FAM110B: variants seen among roughly 807,000 people sequenced by gnomAD.
The protein encoded by FAM110B is protein FAM110B.
In FAM110B, 6 loss-of-function variants were observed where a neutral mutation model predicts 20.4. That is an observed-to-expected ratio of 0.29 (90% CI 0.16 to 0.58). FAM110B has a LOEUF of 0.58. FAM110B is among the 20% of genes least tolerant of loss of function. The probability of loss-of-function intolerance (pLI) is 0.90; values close to 1 mark genes in which losing one functional copy is unlikely to be tolerated. For synonymous variants in FAM110B, 226 were observed against 214.1 expected, an observed-to-expected ratio of 1.06 and a Z score of -0.49; for missense variants, 434 against 498.2, an observed-to-expected ratio of 0.87 and a Z score of 1.23.
intron 3 of FAM110B, chr8:58,076,987 C>A (rs1467628693): frequency 6.6e-6 from 1 of 152,160 alleles, no homozygotes; most frequent in East Asian, 1.9e-4. Flanking sequence ...CTTAGGCTGA[C>A]AAATAAGAAT....
chr8:58,146,396 G>A lies in FAM110B; in HGVS notation c.166G>A (p.Ala56Thr). 5 of 1,614,010 alleles carry A rather than the reference G, an allele frequency of 3.1e-6. No homozygotes were observed. Among genetic ancestry groups the A allele is most frequent in the Non-Finnish European group, 4.2e-6 (5 of 1,179,980 alleles). Reference sequence around the variant, plus strand: ...GCTCAGCGCCGTGGAGAGGCTGGAGGCCGACAAGGCCAAGTACGTCAAGAG... The same window carrying A: ...GCTCAGCGCCGTGGAGAGGCTGGAGACCGACAAGGCCAAGTACGTCAAGAG... ...KRLSAVERLEADKAKYVKSQE... is the reference protein window; with the variant it reads ...KRLSAVERLETDKAKYVKSQE... The change falls in exon 4 of 4, where the codon GCC (alanine) becomes ACC (threonine). Residue 56 changes from alanine to threonine, a missense_variant. Transcript: ENST00000519262.
In FAM110B at chr8:58,146,501, C is replaced by A. The variant is rs1480782102; in HGVS notation, c.271C>A (p.Arg91Ser). 7 of 1,613,838 alleles carry A rather than the reference C, an allele frequency of 4.3e-6. No homozygotes were observed. Among genetic ancestry groups the A allele is most frequent in the Non-Finnish European group, 1.7e-6 (2 of 1,179,888 alleles). The change falls in exon 4 of 4, where the codon CGC (arginine) becomes AGC (serine). Residue 91 changes from arginine (R) to serine (S), a missense_variant. By Grantham distance (110) the Arg-to-Ser change is moderately radical (BLOSUM62 -1). This residue lies in a region of FAM110B where 284 missense variants were observed against 278.3 expected (regional missense o/e 1.02). Transcript: ENST00000519262. ...GCCCCCGGTGTGCCCGGCTGCCAAGCGCGCACTGGGCAGCCCCACGCTCAA... is the reference window on the plus strand; with the variant it reads ...GCCCCCGGTGTGCCCGGCTGCCAAGAGCGCACTGGGCAGCCCCACGCTCAA... Reference protein sequence around the residue: ...AKPPVCPAAKRALGSPTLKVF... With the variant: ...AKPPVCPAAKSALGSPTLKVF...
chr8:58,051,026 C>T, intron 2 of FAM110B, among the ~76,000 whole-genome samples: 1 of 152,218 alleles, frequency 6.6e-6, no homozygotes, highest in Admixed American at 6.5e-5. Context: ...GAAAGAAAAA[C>T]AGCTCTGTCC....
At chr8:58,091,564 G>C (rs1231253591) in intron 3 of FAM110B, 1 of 152,102 alleles carries the variant, frequency 6.6e-6, no homozygotes, top group Non-Finnish European at 1.5e-5. Flanking sequence ...AATGAGATCT[G>C]TGGATGACCT....
At chr8:58,089,890 C>T (rs557815224) in intron 3 of FAM110B, among the ~76,000 whole-genome samples, 55 of 152,336 alleles carry the variant, frequency 3.6e-4, no homozygotes, top group Non-Finnish European at 6.3e-4. Flanking sequence ...TATACACATG[C>T]AGTATGATTT....
At chr8:58,133,475 C>T (rs1803534165) in intron 3 of FAM110B, among the ~76,000 whole-genome samples, 1 of 152,162 alleles carries the variant, frequency 6.6e-6, no homozygotes, top group South Asian at 2.1e-4. Flanking sequence ...GTCAGTACCA[C>T]CACTCACCAT....
intron 1 of FAM110B, among the ~76,000 whole-genome samples, chr8:58,008,037 G>C (rs144460463): frequency 6.6e-6 from 1 of 151,176 alleles, no homozygotes; most frequent in African/African-American, 2.4e-5. Context: ...AAGCAAGGCA[G>C]TTTTTATCTG....
At chr8:58,145,515 G>A (rs1803840728) in intron 3 of FAM110B, among the ~76,000 whole-genome samples, 1 of 152,194 alleles carries the variant, frequency 6.6e-6, no homozygotes, top group Admixed American at 6.5e-5. Flanking sequence ...TAGGAACTCA[G>A]TGGCATGTAA....
In FAM110B at chr8:58,071,542, T is replaced by C. The variant is rs558003775; in HGVS notation, c.-413-3993T>C. The stretch of plus-strand genomic sequence containing the variant: ...AAATACCTGCTCTGATCTAGAACTA[T>C]GTTCTGGTTAAAGGGGTTCTGTACT... On this transcript the variant is annotated intron_variant, in intron 2 of 3. Coordinates refer to ENST00000519262, the MANE Select transcript of FAM110B (RefSeq NM_001377989.1). 7.9e-5 allele frequency among the ~76,000 whole-genome samples: 12 copies of C among 152,320 alleles called. 1 individual carries two copies. The East Asian group carries it at 2.3e-3, about 29-fold the overall frequency.
intron 2 of FAM110B, among the ~76,000 whole-genome samples, chr8:58,035,166 A>G (rs2150574375): frequency 6.6e-6 from 1 of 152,344 alleles, no homozygotes; most frequent in East Asian, 1.9e-4. Flanking sequence ...ACTTAAGAAT[A>G]AAGATAGTAG....
intron 2 of FAM110B, among the ~76,000 whole-genome samples, chr8:58,067,067 T>C (rs6471679): frequency 0.085 from 12,972 of 152,276 alleles, 901 homozygotes; most frequent in African/African-American, 0.19. Flanking sequence ...TAAAGTTACC[T>C]GGAACCCTGG....
At chr8:58,010,991 T>A (rs1038585012) in intron 1 of FAM110B, among the ~76,000 whole-genome samples, 3 of 152,130 alleles carry the variant, frequency 2.0e-5, no homozygotes, top group Non-Finnish European at 2.9e-5. Flanking sequence ...TTCAAACATT[T>A]CTCAAAGAAC....
intron 2 of FAM110B, among the ~76,000 whole-genome samples, chr8:58,049,033 G>A (rs1336051098): frequency 1.3e-5 from 2 of 152,140 alleles, no homozygotes; most frequent in Non-Finnish European, 2.9e-5. Context: ...TTGTGTGTGT[G>A]TTTTTTCTTA....
intron 2 of FAM110B, among the ~76,000 whole-genome samples, chr8:58,072,065 C>A (rs1211455131): frequency 6.6e-6 from 1 of 152,154 alleles, no homozygotes; most frequent in Admixed American, 6.5e-5. Context: ...AACCTTTCTG[C>A]GAATCAACAG....
chr8:58,088,437 A>C (rs1223066688), intron 3 of FAM110B, among the ~76,000 whole-genome samples: 2 of 152,192 alleles, frequency 1.3e-5, no homozygotes, highest in East Asian at 3.8e-4. Context: ...AATTCAACGA[A>C]ATGTGTTTCT....
chr8:58,074,603 G>A (rs73682115), intron 2 of FAM110B, among the ~76,000 whole-genome samples: 4,308 of 152,116 alleles, frequency 0.028, 214 homozygotes, highest in African/African-American at 0.098. Context: ...GAGGTTTTTC[G>A]TCTTAACCCC....
chr8:58,058,707 G>T (rs1805597173), intron 2 of FAM110B, among the ~76,000 whole-genome samples: 2 of 151,972 alleles, frequency 1.3e-5, no homozygotes, highest in African/African-American at 2.4e-5. Flanking sequence ...GACATTGAAA[G>T]GTTCAGTGGA....
At chr8:58,006,030 A>G (rs1284577285) in intron 1 of FAM110B, among the ~76,000 whole-genome samples, 1 of 152,116 alleles carries the variant, frequency 6.6e-6, no homozygotes, top group Admixed American at 6.6e-5. Context: ...CCATTAGCAC[A>G]TGAAATCAAT....
chr8:58,116,895 GT>G (rs1471604036), intron 3 of FAM110B, among the ~76,000 whole-genome samples: 1 of 152,172 alleles, frequency 6.6e-6, no homozygotes, highest in African/African-American at 2.4e-5. Context: ...ATCAGGAATG[GT>G]TTGCTAACTC....
Sources: gnomAD v4.1 joint callset for allele counts (sites outside exome capture counted in the v4.1 genomes callset) on GRCh38, gnomAD v4.1.1 for gene constraint, gnomAD v4.1.1 regional missense constraint, MANE v1.5 for transcripts, NCBI Gene and HGNC (gene_info 2026-07-23, HGNC 2026-07-21) for gene names.